SMG6: variants seen among roughly 807,000 people sequenced by gnomAD.
The protein encoded by SMG6 is telomerase-binding protein EST1A.
Under a neutral mutation model 142.2 loss-of-function variants are expected in SMG6, and 66 were observed. The observed-to-expected ratio is 0.46, with a 90% CI of 0.38 to 0.57. The LOEUF (loss-of-function observed/expected upper bound fraction) is 0.57. Ranked by LOEUF, SMG6 falls within the 20% of genes least tolerant of loss-of-function variation. SMG6 has a pLI of 0.00. For missense variants in SMG6, 1,793 were observed against 1,832.0 expected, an observed-to-expected ratio of 0.98 and a Z score of 0.39; for synonymous variants, 779 against 702.4, an observed-to-expected ratio of 1.11 and a Z score of -1.72.
In SMG6 at chr17:2,274,168, T is replaced by C. The variant is rs2074599571; in HGVS notation, c.2661+8479A>G. ...TTGGTGGTACAACAGTAAAGGTGAG[T>C]GGTGGCAACAAAGAACATATGCCCT... On this transcript the variant is annotated intron_variant, in intron 8 of 18. Coordinates refer to ENST00000263073, the MANE Select transcript of SMG6 (RefSeq NM_017575.5). Among the ~76,000 whole-genome samples, 5 of 152,316 alleles carry C rather than the reference T, an allele frequency of 3.3e-5. No homozygotes were observed. In the South Asian group the frequency reaches 1.0e-3, roughly 32 times the overall value.
At chr17:2,111,639 A>T (rs187600664) in intron 13 of SMG6, among the ~76,000 whole-genome samples, 1 of 152,308 alleles carries the variant, frequency 6.6e-6, no homozygotes, top group Admixed American at 6.5e-5. Flanking sequence ...CCTAGGTTCA[A>T]GGGATCCTCC....
chr17:2,216,489 A>G (rs1597622413), intron 10 of SMG6, among the ~76,000 whole-genome samples: 2 of 152,222 alleles, frequency 1.3e-5, no homozygotes, highest in East Asian at 3.8e-4. Flanking sequence ...TTTTAAAAAT[A>G]TAATTCTAAG....
At chr17:2,127,668 CTTTTCT>C (rs1419806359) in intron 13 of SMG6, 2 of 568,808 alleles carry the variant, frequency 3.5e-6, no homozygotes, top group Non-Finnish European at 7.0e-6. Flanking sequence ...TTACTCTGCT[CTTTTCT>C]AGGTTGAAGT....
chr17:2,095,283 C>T (rs1347145853), intron 13 of SMG6, among the ~76,000 whole-genome samples: 1 of 152,238 alleles, frequency 6.6e-6, no homozygotes, highest in Non-Finnish European at 1.5e-5. Flanking sequence ...AGCACTGAAC[C>T]TTGGGCTCTA....
At chr17:2,219,818 A>G (rs898658053) in intron 10 of SMG6, among the ~76,000 whole-genome samples, 3 of 137,620 alleles carry the variant, frequency 2.2e-5, no homozygotes, top group South Asian at 2.3e-4. Context: ...AAAAAAAAAA[A>G]AAAGAAAAGA....
intron 10 of SMG6, among the ~76,000 whole-genome samples, chr17:2,209,073 A>C (rs2072772416): frequency 6.6e-6 from 1 of 152,132 alleles, no homozygotes; most frequent in Non-Finnish European, 1.5e-5. Context: ...GTGAGGTAGG[A>C]GGATGGGTTA....
At chr17:2,151,454 T>A (rs2070822722) in intron 13 of SMG6, among the ~76,000 whole-genome samples, 1 of 152,190 alleles carries the variant, frequency 6.6e-6, no homozygotes. Flanking sequence ...CAGAAATTCT[T>A]CTCTGAACAC....
chr17:2,211,745 T>C (rs1202671156), intron 10 of SMG6, among the ~76,000 whole-genome samples: 7 of 151,948 alleles, frequency 4.6e-5, no homozygotes, highest in Non-Finnish European at 5.9e-5. Context: ...CTTCTATGCA[T>C]AGACACATAG....
chr17:2,105,420 C>T (rs1335197007), intron 13 of SMG6, among the ~76,000 whole-genome samples: 1 of 152,058 alleles, frequency 6.6e-6, no homozygotes, highest in Non-Finnish European at 1.5e-5. Context: ...GTGGCAGGTG[C>T]CTGTAATCCC....
chr17:2,138,049 C>CA (rs1237471769), intron 13 of SMG6, among the ~76,000 whole-genome samples: 6 of 151,842 alleles, frequency 4.0e-5, no homozygotes, highest in African/African-American at 1.5e-4. Context: ...CAGATGCAGA[C>CA]AGAAAGAGCT....
At chr17:2,303,435 CCAGG>C in intron 1 of SMG6, 194 bp downstream of exon 1, 5 of 1,293,798 alleles carry the variant, frequency 3.9e-6, no homozygotes, top group Non-Finnish European at 4.9e-6. Flanking sequence ...CCGGAGCTGG[CCAGG>C]ACTGGCCGAG....
At chr17:2,262,577 T>C (rs2074339761) in intron 8 of SMG6, among the ~76,000 whole-genome samples, 1 of 152,212 alleles carries the variant, frequency 6.6e-6, no homozygotes, top group African/African-American at 2.4e-5. Flanking sequence ...GCTGACCACA[T>C]CTACCTAAAA....
At chr17:2,090,198 AAAAAGGAAAG>A (rs2068677777) in intron 13 of SMG6, among the ~76,000 whole-genome samples, 1 of 151,052 alleles carries the variant, frequency 6.6e-6, no homozygotes, top group African/African-American at 2.4e-5. Flanking sequence ...AAAAAAAAAA[AAAAAGGAAAG>A]AAGAAAAAAT....
chr17:2,211,536 C>T (rs1034110349), intron 10 of SMG6, among the ~76,000 whole-genome samples: 1 of 151,770 alleles, frequency 6.6e-6, no homozygotes, highest in Non-Finnish European at 1.5e-5. Flanking sequence ...TGGTGGTGGG[C>T]GCCTGTAGTC....
chr17:2,103,101 A>G (rs1362006969), intron 13 of SMG6, among the ~76,000 whole-genome samples: 1 of 152,210 alleles, frequency 6.6e-6, no homozygotes, highest in Non-Finnish European at 1.5e-5. Flanking sequence ...TGAACCTGGG[A>G]GTCCAGACAT....
intron 8 of SMG6, among the ~76,000 whole-genome samples, chr17:2,279,128 C>T (rs961723644): frequency 6.6e-6 from 1 of 152,164 alleles, no homozygotes; most frequent in African/African-American, 2.4e-5. Flanking sequence ...TCTCAGGGAT[C>T]AGGAAACGCT....
intron 10 of SMG6, among the ~76,000 whole-genome samples, chr17:2,202,832 G>T (rs1256480743): frequency 6.6e-6 from 1 of 152,166 alleles, no homozygotes; most frequent in Admixed American, 6.5e-5. Flanking sequence ...CACACAGCTG[G>T]CAAGTGGCTG....
At chr17:2,082,836 T>C (rs562129373) in intron 14 of SMG6, among the ~76,000 whole-genome samples, 49 of 152,370 alleles carry the variant, frequency 3.2e-4, no homozygotes, top group African/African-American at 1.1e-3. Flanking sequence ...AGAAGGTTCC[T>C]GTTTCTAACT....
chr17:2,291,862 AAAAAAAAAAG>A (rs2075045709), intron 6 of SMG6, among the ~76,000 whole-genome samples: 1 of 151,238 alleles, frequency 6.6e-6, no homozygotes, highest in African/African-American at 2.4e-5. Context: ...TAAAAAAAAA[AAAAAAAAAAG>A]AGAGAGACAA....
Sources: allele counts gnomAD v4.1 joint callset (sites outside exome capture counted in the v4.1 genomes callset), GRCh38; gene constraint gnomAD v4.1.1; transcripts MANE v1.5; gene names NCBI Gene and HGNC (gene_info 2026-07-23, HGNC 2026-07-21).